Variants in PATL1 observed in about 807,000 individuals in gnomAD.
PATL1 encodes the protein PAT1 homolog 1, processing body mRNA decay factor, also known as protein PAT1 homolog 1.
PATL1 carries 32 observed loss-of-function variants against 100.6 expected under a neutral mutation model. That is an observed-to-expected ratio of 0.32 (90% confidence interval 0.24 to 0.43). The LOEUF (loss-of-function observed/expected upper bound fraction) is 0.43. PATL1 is among the 20% of genes least tolerant of loss of function. The pLI, the probability that PATL1 is intolerant of heterozygous loss-of-function variation, is 1.00. For synonymous variants in PATL1, 332 were observed against 330.0 expected, an observed-to-expected ratio of 1.01 and a Z score of -0.07; for missense variants, 747 against 949.9, an observed-to-expected ratio of 0.79 and a Z score of 2.81.
At chr11:59,651,929 G>A (rs1208248365) in intron 11 of PATL1, among the ~76,000 whole-genome samples, 1 of 151,632 alleles carries the variant, frequency 6.6e-6, no homozygotes. Context: ...GCTGGATGTG[G>A]TGGCACACGC....
At chr11:59,639,260 TTAAAA>T in intron 17 of PATL1, 27 bp downstream of exon 17, 2 of 1,571,808 alleles carry the variant, frequency 1.3e-6, no homozygotes, top group Non-Finnish European at 1.7e-6. Flanking sequence ...CTCAAAGAAC[TTAAAA>T]TAAGAGAAGA....
chr11:59,655,879 A>G, intron 7 of PATL1, 77 bp downstream of exon 7: 1 of 1,353,288 alleles, frequency 7.4e-7, no homozygotes, highest in Non-Finnish European at 1.0e-6. Flanking sequence ...GATTAACAGC[A>G]AAAAAAGGGG....
rs1042222039 is a variant in PATL1 at position 59,637,459 on chromosome 11, A to C, written c.*931T>G. The C allele has an allele frequency of 1.3e-5, 2 of 152,718 alleles. No individual in the cohort carries two copies. Among genetic ancestry groups the C allele is most frequent in the Admixed American group, 1.3e-4 (2 of 15,288 alleles). 9.5% of individuals were successfully genotyped at this position (152,718 alleles called of 1,614,324 possible). ...AGTGGGGAAGAAGGAAGCATGGCTT[A>C]CTGAAGTAGTCTCAGGAAGACAGGG... On this transcript the variant is annotated 3_prime_UTR_variant, in exon 19 of 19. Transcript: ENST00000300146.
chr11:59,638,839 C>T (rs1458323164), intron 18 of PATL1, among the ~76,000 whole-genome samples: 2 of 152,082 alleles, frequency 1.3e-5, no homozygotes, highest in African/African-American at 4.8e-5. Flanking sequence ...CACCACCGCA[C>T]TTGGCTAATT....
intron 1 of PATL1, among the ~76,000 whole-genome samples, chr11:59,667,411 G>A (rs1213696196): frequency 1.3e-5 from 2 of 151,858 alleles, no homozygotes; most frequent in Non-Finnish European, 2.9e-5. Context: ...CTATTATTCC[G>A]TTTTAAAGCT....
chr11:59,637,004 G>T lies in PATL1; in HGVS notation c.*1386C>A, dbSNP rs1565128629. Reference sequence around the variant, plus strand: ...AGAAATGGAGATGGAGAACAGGACAGCTGGTTTTAACAGAGGATCTTACTG... The same window carrying T: ...AGAAATGGAGATGGAGAACAGGACATCTGGTTTTAACAGAGGATCTTACTG... On this transcript the variant is annotated 3_prime_UTR_variant, in exon 19 of 19. Coordinates refer to ENST00000300146, the MANE Select transcript of PATL1 (RefSeq NM_152716.3). 1 of 152,764 alleles carries T rather than the reference G, an allele frequency of 6.5e-6. No homozygotes were observed. The highest frequency in any genetic ancestry group is 1.9e-4 in the East Asian group (1 of 5,190). 9.5% of individuals were successfully genotyped at this position (152,764 alleles called of 1,614,324 possible). A position where few individuals can be genotyped will look rare whatever the true frequency, so the allele number is the denominator to read the frequency against.
At chr11:59,642,808 A>C in intron 16 of PATL1, 72 bp downstream of exon 16, 2 of 1,459,754 alleles carry the variant, frequency 1.4e-6, no homozygotes, top group Non-Finnish European at 1.9e-6. Flanking sequence ...GAGATACAGC[A>C]GCCATTATTT....
At chr11:59,647,222 C>CAAAAA (rs1175300355) in intron 15 of PATL1, among the ~76,000 whole-genome samples, 60 of 60,428 alleles carry the variant, frequency 9.9e-4, no homozygotes, top group African/African-American at 3.3e-3. Flanking sequence ...AACTCTGTCT[C>CAAAAA]AAAAAAAAAA....
At chr11:59,638,703 CA>C (rs1861228695) in intron 18 of PATL1, among the ~76,000 whole-genome samples, 1 of 151,938 alleles carries the variant, frequency 6.6e-6, no homozygotes, top group Non-Finnish European at 1.5e-5. Flanking sequence ...TTTTTTGAGA[CA>C]GGGTCTTGCT....
Position 59,638,403 on chromosome 11 carries a change from T to C in PATL1, c.2300A>G (p.Gln767Arg). The stretch of plus-strand genomic sequence containing the variant: ...TTTGGAGATCTTTTATCGTATCCCC[T>C]GAACTAGCCTAGGAGTACAAAGGAG... ...NLLETKLQLV[Q>R]GIR The change falls in exon 19 of 19, where the codon CAG becomes CGG. Residue 767 changes from glutamine to arginine, a missense_variant. Coordinates refer to ENST00000300146, the MANE Select transcript of PATL1 (RefSeq NM_152716.3). The C allele has an allele frequency of 1.9e-6, 3 of 1,612,426 alleles. No homozygotes were observed. The highest frequency in any genetic ancestry group is 2.5e-6 in the Non-Finnish European group (3 of 1,178,910).
intron 16 of PATL1, 158 bp from the exon 17 acceptor site, chr11:59,639,541 G>A (rs191912138): frequency 1.6e-6 from 1 of 610,184 alleles, no homozygotes; most frequent in East Asian, 2.8e-5. Flanking sequence ...AGACAAGCAT[G>A]AGTTGAAAGG....
At chr11:59,648,185 CTTTTTTTT>C (rs887689437) in intron 14 of PATL1, among the ~76,000 whole-genome samples, 10 of 130,484 alleles carry the variant, frequency 7.7e-5, no homozygotes, top group African/African-American at 1.7e-4. Flanking sequence ...AACTTTTTTT[CTTTTTTTT>C]TTTTTTTTTT....
rs370842131 is a variant in PATL1, at chr11:59,637,914, G to GGT, written c.*474_*475dup. On this transcript the variant is annotated 3_prime_UTR_variant, in exon 19 of 19. Transcript: ENST00000300146. ...GAAGACCACATAAATACATGTATGG[G>GGT]GTGTGTGTGTGTGTATCTATGTGTG... 8.1e-5 allele frequency: 13 copies of GGT among 160,772 alleles called. No individual in the cohort carries two copies. The highest frequency in any genetic ancestry group is 1.4e-4 in the African/African-American group (6 of 41,608). 10.0% of individuals were successfully genotyped at this position (160,772 alleles called of 1,614,324 possible).
intron 15 of PATL1, among the ~76,000 whole-genome samples, chr11:59,645,645 T>A (rs891322862): frequency 6.6e-6 from 1 of 152,080 alleles, no homozygotes; most frequent in Non-Finnish European, 1.5e-5. Context: ...GGCCTAGTAG[T>A]CTCCAAAGGT....
In PATL1 at chr11:59,639,160, G is replaced by A. The variant is rs374318871; in HGVS notation, c.2179C>T (p.Arg727Trp). 20 of 1,613,942 alleles carry A rather than the reference G, an allele frequency of 1.2e-5. No homozygotes were observed. The highest frequency in any genetic ancestry group is 1.7e-5 in the Admixed American group (1 of 60,032). The change falls in exon 18 of 19, where the codon CGG becomes TGG. Residue 727 changes from arginine to tryptophan, a missense_variant. Arg to Trp is a moderately radical substitution (Grantham distance 101, BLOSUM62 -3). Around this residue, in one of 4 missense-constraint regions of PATL1, gnomAD observed 434 missense variants for 596.1 expected, o/e 0.73. Coordinates refer to ENST00000300146, the MANE Select transcript of PATL1 (RefSeq NM_152716.3). The stretch of plus-strand genomic sequence containing the variant: ...TTGGCCAGGGCTGCTTGGGGAATCC[G>A]CAGAAGTTCTCGTGTTGCCATGAAC... ...VMFMATRELL[R>W]IPQAALAKPI... is the part of the protein sequence containing the mutation.
chr11:59,647,048 T>C (rs1434227208), intron 15 of PATL1, among the ~76,000 whole-genome samples: 1 of 151,826 alleles, frequency 6.6e-6, no homozygotes, highest in Non-Finnish European at 1.5e-5. Context: ...GGCAAAACCC[T>C]GTCTCTACAA....
rs1215556168 is a variant in PATL1 at position 59,649,515 on chromosome 11, G to C, written c.1680C>G (p.His560Gln). Residue 560 changes from histidine to glutamine, a missense_variant, in exon 14 of 19, where the codon CAC (histidine) becomes CAG (glutamine). His to Gln is a conservative substitution (Grantham distance 24). This residue lies in a region of PATL1 where 434 missense variants were observed against 596.1 expected (regional missense o/e 0.73). Coordinates refer to ENST00000300146, the MANE Select transcript of PATL1 (RefSeq NM_152716.3). The part of the protein sequence containing the change: ...ERPALMDDRK[H>Q]KICSMYDNLR... The stretch of plus-strand genomic sequence containing the variant: ...AGTTGTCATACATGCTACAAATTTT[G>C]TGCTTTCTGTCATCCATTAGGGCAG... 7 of 1,613,758 alleles carry C rather than the reference G, an allele frequency of 4.3e-6. No homozygotes were observed. Among genetic ancestry groups the C allele is most frequent in the Non-Finnish European group, 5.9e-6 (7 of 1,179,858 alleles).
intron 4 of PATL1, among the ~76,000 whole-genome samples, chr11:59,658,174 A>AAAAAAG (rs1554984900): frequency 6.6e-6 from 1 of 150,500 alleles, no homozygotes; most frequent in Admixed American, 6.6e-5. Flanking sequence ...AAAAAAAAAA[A>AAAAAAG]AAAGAAAGAA....
intron 7 of PATL1, 106 bp from the exon 8 acceptor site, chr11:59,655,846 G>A: frequency 7.2e-7 from 1 of 1,389,978 alleles, no homozygotes; most frequent in South Asian, 1.3e-5. Context: ...GTTTGAAAAA[G>A]TAAAGGCAAA....
Sources: gnomAD v4.1 joint callset for allele counts (sites outside exome capture counted in the v4.1 genomes callset) on GRCh38, gnomAD v4.1.1 for gene constraint, gnomAD v4.1.1 regional missense constraint, MANE v1.5 for transcripts, NCBI Gene and HGNC (gene_info 2026-07-23, HGNC 2026-07-21) for gene names.